The following ATL2 variants were observed in gnomAD, a reference collection of about 807,000 sequenced individuals.
ATL2 encodes atlastin-2.
In ATL2, 31 loss-of-function variants were observed where a neutral mutation model predicts 73.9. The observed-to-expected ratio is 0.42, with a 90% CI of 0.32 to 0.57. ATL2 has a LOEUF of 0.57. ATL2 is among the 20% of genes least tolerant of loss of function. The pLI is 0.14. For missense variants in ATL2, 738 were observed against 702.6 expected (o/e 1.05, Z -0.57); for synonymous variants, 291 against 237.5 (o/e 1.23, Z -2.07).
chr2:38,360,255 G>T (rs1157048670), intron 1 of ATL2, among the ~76,000 whole-genome samples: 2 of 138,840 alleles, frequency 1.4e-5, no homozygotes, highest in Non-Finnish European at 3.0e-5. Flanking sequence ...TGGCTCAGGG[G>T]ATTCTTTTTT....
In ATL2 at chr2:38,306,782, T is replaced by C. The variant is rs145818766; in HGVS notation, c.1071+2597A>G. 1.1e-3 allele frequency among the ~76,000 whole-genome samples: 167 copies of C among 152,324 alleles called. 1 individual carries two copies. The highest frequency in any genetic ancestry group is 4.0e-3 in the African/African-American group (165 of 41,566). Reference sequence around the variant, plus strand: ...AAGCTGTATACAACAGACCCACAGCTAGTATCTTACTGAACTGGGAAAAAA... The same window carrying C: ...AAGCTGTATACAACAGACCCACAGCCAGTATCTTACTGAACTGGGAAAAAA... On this transcript the variant is annotated intron_variant, in intron 9 of 12. Transcript: ENST00000378954.
At chr2:38,367,814 GTA>G (rs919532190) in intron 1 of ATL2, among the ~76,000 whole-genome samples, 1 of 150,986 alleles carries the variant, frequency 6.6e-6, no homozygotes, top group Non-Finnish European at 1.5e-5. Flanking sequence ...TGTATTTTTA[GTA>G]GAGATGGGGT....
chr2:38,323,410 G>T (rs377020519), intron 2 of ATL2, among the ~76,000 whole-genome samples: 2 of 119,026 alleles, frequency 1.7e-5, no homozygotes, highest in Non-Finnish European at 3.2e-5. Context: ...TGCCCAGGCC[G>T]GTCTTGAACT....
At chr2:38,335,884 CA>C (rs1372547150) in intron 2 of ATL2, among the ~76,000 whole-genome samples, 1 of 152,002 alleles carries the variant, frequency 6.6e-6, no homozygotes, top group Admixed American at 6.6e-5. Flanking sequence ...ACTAAAAATA[CA>C]AAAAACTAGC....
intron 2 of ATL2, among the ~76,000 whole-genome samples, chr2:38,337,145 C>G (rs143244909): frequency 6.6e-6 from 1 of 151,772 alleles, no homozygotes; most frequent in Non-Finnish European, 1.5e-5. Flanking sequence ...TTGAAGACAA[C>G]CAATCACAAT....
chr2:38,334,284 C>A (rs1212077722), intron 2 of ATL2, among the ~76,000 whole-genome samples: 1 of 151,844 alleles, frequency 6.6e-6, no homozygotes, highest in African/African-American at 2.4e-5. Context: ...CTTGCCTCGG[C>A]CTCCTAAAGT....
upstream of ATL2, among the ~76,000 whole-genome samples, chr2:38,378,315 A>G (rs1672091956): frequency 6.6e-6 from 1 of 152,236 alleles, no homozygotes; most frequent in Admixed American, 6.5e-5. Flanking sequence ...TAGGTAGGGC[A>G]TGGTGGCTCA....
chr2:38,318,047 C>T (rs189163662), intron 4 of ATL2, among the ~76,000 whole-genome samples: 2 of 152,276 alleles, frequency 1.3e-5, no homozygotes, highest in East Asian at 3.9e-4. Flanking sequence ...GTCCCAGCTA[C>T]TCAGGAGGCT....
chr2:38,329,125 T>TA (rs56248819), intron 2 of ATL2, among the ~76,000 whole-genome samples: 6,074 of 113,844 alleles, frequency 0.053, 221 homozygotes, highest in East Asian at 0.15. Context: ...ATCATCTATT[T>TA]AAAAAAAAAA....
rs746341011 is a variant in ATL2 at position 38,310,330 on chromosome 2, T to G, written c.922A>C (p.Ser308Arg). The change falls in exon 8 of 13, where the codon AGT (serine) becomes CGT (arginine). Residue 308 changes from serine to arginine, a missense_variant. Physicochemically the swap from Ser to Arg is moderately radical, Grantham distance 110. Transcript: ENST00000378954. ...CCACCTTTCAATCTCCCATCAAAAC[T>G]AGGATTAGTTGCAACTTTAAGACCA... is the stretch of plus-strand genomic sequence containing the variant. ...HPGLKVATNPSFDGRLKDIDE... is the reference protein window; with the variant it reads ...HPGLKVATNPRFDGRLKDIDE... The G allele has an allele frequency of 6.2e-7, 1 of 1,612,168 alleles. No individual in the cohort carries two copies. Among genetic ancestry groups the G allele is most frequent in the Non-Finnish European group, 8.5e-7 (1 of 1,179,508 alleles).
Position 38,294,322 on chromosome 2 carries a change from G to T in ATL2, c.*1672C>A, listed in dbSNP as rs540292828. On this transcript the variant is annotated 3_prime_UTR_variant, in exon 13 of 13. Transcript: ENST00000378954. ...CCAACACTTTGGGAGGCCAAGGCAG[G>T]CGGATCACAAGGTCAGGCGATTGAG... 6.6e-6 allele frequency among the ~76,000 whole-genome samples: 1 copy of T among 152,260 alleles called. No homozygotes were observed. The highest frequency in any genetic ancestry group is 2.4e-5 in the African/African-American group (1 of 41,468).
At chr2:38,306,825 A>C (rs148136063) in intron 9 of ATL2, among the ~76,000 whole-genome samples, 35 of 152,328 alleles carry the variant, frequency 2.3e-4, no homozygotes, top group African/African-American at 7.7e-4. Flanking sequence ...CCTTTCCTTT[A>C]AGATCTGAAA....
intron 5 of ATL2, 55 bp from the exon 6 acceptor site, chr2:38,314,719 G>A (rs753135393): frequency 1.7e-4 from 191 of 1,144,062 alleles, no homozygotes; most frequent in Non-Finnish European, 2.3e-4. Flanking sequence ...AAGAAGACAT[G>A]TGTAAACCTG....
intron 1 of ATL2, among the ~76,000 whole-genome samples, chr2:38,344,973 A>G (rs1669939325): frequency 6.6e-6 from 1 of 152,240 alleles, no homozygotes; most frequent in Admixed American, 6.5e-5. Context: ...GTGACGAAGA[A>G]GTACAGAGAA....
intron 1 of ATL2, among the ~76,000 whole-genome samples, chr2:38,370,725 C>CACT (rs1211670235): frequency 1.3e-5 from 2 of 152,162 alleles, no homozygotes; most frequent in Non-Finnish European, 2.9e-5. Context: ...AAGACTGTGC[C>CACT]ACTGCACTCC....
At chr2:38,370,448 CAAAAAAAAA>C (rs55964015) in intron 1 of ATL2, among the ~76,000 whole-genome samples, 42 of 55,212 alleles carry the variant, frequency 7.6e-4, no homozygotes, top group Admixed American at 1.9e-3. Context: ...GACTCTGTCC[CAAAAAAAAA>C]AAAAAAAAAA....
rs998916722 is a variant in ATL2, at chr2:38,365,174, C to A, written c.118+11969G>T. ...ACACACACACACACACAAATACACACACACACACACACACAAATACACACA... is the reference window on the plus strand; with the variant it reads ...ACACACACACACACACAAATACACAAACACACACACACACAAATACACACA... On this transcript the variant is annotated intron_variant, in intron 1 of 12. Coordinates refer to ENST00000378954, the MANE Select transcript of ATL2 (RefSeq NM_001135673.4). Among the ~76,000 whole-genome samples the A allele has an allele frequency of 8.6e-3, 1,184 of 137,954 alleles. 13 individuals are homozygous for A. The highest frequency in any genetic ancestry group is 0.039 in the African/African-American group (1,107 of 28,456). 90.5% of individuals were successfully genotyped at this position (137,954 alleles called of 152,430 possible).
chr2:38,351,469 T>TA (rs1670341107), intron 1 of ATL2, among the ~76,000 whole-genome samples: 1 of 151,276 alleles, frequency 6.6e-6, no homozygotes, highest in African/African-American at 2.4e-5. Flanking sequence ...ATTTACACTC[T>TA]AAAAAAATTA....
intron 11 of ATL2, among the ~76,000 whole-genome samples, 181 bp downstream of exon 11, chr2:38,299,075 A>T (rs1236470653): frequency 1.3e-5 from 2 of 152,196 alleles, no homozygotes; most frequent in African/African-American, 4.8e-5. Flanking sequence ...TTCTGCTCTC[A>T]AATAATGTGA....
Sources: gnomAD v4.1 joint callset for allele counts (sites outside exome capture counted in the v4.1 genomes callset) on GRCh38, gnomAD v4.1.1 for gene constraint, MANE v1.5 for transcripts, NCBI Gene and HGNC (gene_info 2026-07-23, HGNC 2026-07-21) for gene names.